The following KIAA0825 variants were observed in gnomAD, a reference collection of about 807,000 sequenced individuals.
The protein encoded by KIAA0825 is KIAA0825.
A neutral mutation model predicts 147.6 loss-of-function variants in KIAA0825; 119 were observed. That is an observed-to-expected ratio of 0.81 (90% confidence interval 0.69 to 0.94). The LOEUF (loss-of-function observed/expected upper bound fraction) is 0.94. Ranked by LOEUF, KIAA0825 falls within the 40% of genes least tolerant of loss-of-function variation. The probability of loss-of-function intolerance (pLI) is 0.00; values close to 1 mark genes in which losing one functional copy is unlikely to be tolerated. For missense variants in KIAA0825, 1,381 were observed against 1,472.7 expected, an observed-to-expected ratio of 0.94 and a Z score of 1.02; for synonymous variants, 470 against 518.1, an observed-to-expected ratio of 0.91 and a Z score of 1.26.
chr5:94,266,766 A>C (rs926787299), intron 20 of KIAA0825, among the ~76,000 whole-genome samples: 6 of 152,208 alleles, frequency 3.9e-5, no homozygotes, highest in African/African-American at 1.4e-4. Context: ...AACTTATGTT[A>C]ATATGTAATT....
chr5:94,320,549 G>A (rs1423771996), intron 20 of KIAA0825, among the ~76,000 whole-genome samples: 2 of 150,452 alleles, frequency 1.3e-5, no homozygotes, highest in East Asian at 2.0e-4. Context: ...TCTACTCTAC[G>A]CCTCCTTGAC....
At chr5:94,164,888 A>T (rs1767897123) in intron 20 of KIAA0825, among the ~76,000 whole-genome samples, 1 of 152,164 alleles carries the variant, frequency 6.6e-6, no homozygotes, top group Admixed American at 6.6e-5. Context: ...AAAATATAAG[A>T]CCTCAAGCTA....
intron 13 of KIAA0825, among the ~76,000 whole-genome samples, chr5:94,451,922 A>G (rs1758466555): frequency 6.6e-6 from 1 of 152,254 alleles, no homozygotes. Context: ...TACTTTTGCA[A>G]CAATGAGTAT....
At chr5:94,504,199 T>C (rs1217789943) in intron 5 of KIAA0825, among the ~76,000 whole-genome samples, 1 of 152,192 alleles carries the variant, frequency 6.6e-6, no homozygotes, top group Non-Finnish European at 1.5e-5. Context: ...GAGCAATAAA[T>C]GGGAGTTTTG....
At chr5:94,486,999 T>C (rs1289218404) in intron 5 of KIAA0825, among the ~76,000 whole-genome samples, 5 of 152,178 alleles carry the variant, frequency 3.3e-5, no homozygotes, top group Non-Finnish European at 5.9e-5. Flanking sequence ...AAATTGGAAG[T>C]CTTGTGAATG....
chr5:94,202,302 A>G (rs1647945048), intron 20 of KIAA0825, among the ~76,000 whole-genome samples: 1 of 152,218 alleles, frequency 6.6e-6, no homozygotes, highest in Non-Finnish European at 1.5e-5. Context: ...TCACAAGGGT[A>G]GTGGTGGGGA....
intron 20 of KIAA0825, among the ~76,000 whole-genome samples, chr5:94,324,507 A>G (rs1170075691): frequency 2.0e-5 from 3 of 152,024 alleles, no homozygotes; most frequent in Non-Finnish European, 2.9e-5. Flanking sequence ...GGCAACAAAT[A>G]AATATTCTTT....
chr5:94,617,196 A>G (rs1790763353), intron 1 of KIAA0825, among the ~76,000 whole-genome samples: 1 of 152,226 alleles, frequency 6.6e-6, no homozygotes, highest in East Asian at 1.9e-4. Flanking sequence ...GAGAGAAATC[A>G]CTGCCTCTAA....
intron 11 of KIAA0825, among the ~76,000 whole-genome samples, chr5:94,464,134 G>T (rs1257000264): frequency 1.4e-5 from 2 of 142,376 alleles, no homozygotes; most frequent in African/African-American, 5.2e-5. Context: ...TCTGAAAAAA[G>T]ATTATTCTAC....
intron 20 of KIAA0825, among the ~76,000 whole-genome samples, chr5:94,200,161 A>G (rs768553629): frequency 5.9e-5 from 9 of 151,990 alleles, no homozygotes; most frequent in Non-Finnish European, 1.2e-4. Context: ...GTCTCTGCCA[A>G]CTCTCTGGGT....
rs1019656654 is a variant in KIAA0825 at position 94,464,909 on chromosome 5, C to T, written c.2023G>A (p.Ala675Thr). 24 of 1,551,444 alleles carry T rather than the reference C, an allele frequency of 1.5e-5. No homozygotes were observed. The highest frequency in any genetic ancestry group is 7.3e-5 in the East Asian group (3 of 40,936). The change falls in exon 11 of 21, where the codon GCT (alanine) becomes ACT (threonine). Residue 675 changes from alanine (A) to threonine (T), a missense_variant. By Grantham distance (58) the Ala-to-Thr change is moderately conservative. Transcript: ENST00000682413. ...CTTTTACGGCTGGGGTGGGCCCGAG[C>T]GTATCTGGAGGCCAGTAGACTCAAA... is the stretch of plus-strand genomic sequence containing the variant. ...KSLSLLASRY[A>T]RAHPSRKRTP...
intron 20 of KIAA0825, among the ~76,000 whole-genome samples, chr5:94,270,022 A>T (rs1383590391): frequency 1.3e-5 from 2 of 152,158 alleles, no homozygotes; most frequent in Non-Finnish European, 2.9e-5. Flanking sequence ...GAGCAACTAC[A>T]TGCCAATAAA....
Position 94,328,655 on chromosome 5 carries a change from C to T in KIAA0825, c.3710+55713G>A, listed in dbSNP as rs147606338. Among the ~76,000 whole-genome samples the T allele has an allele frequency of 1.3e-4, 19 of 151,604 alleles. No individual in the cohort carries two copies. In the East Asian group the frequency reaches 1.9e-3, roughly 15 times the overall value. On this transcript the variant is annotated intron_variant, in intron 20 of 20. Transcript: ENST00000682413. ...TACAATAGATCGATAATAAAATACCCATTATAATAAGATATACTGAGGAAA... is the reference window on the plus strand; with the variant it reads ...TACAATAGATCGATAATAAAATACCTATTATAATAAGATATACTGAGGAAA...
chr5:94,326,871 G>T (rs1037075719), intron 20 of KIAA0825, among the ~76,000 whole-genome samples: 1 of 152,208 alleles, frequency 6.6e-6, no homozygotes, highest in Non-Finnish European at 1.5e-5. Context: ...CTAGGATGTG[G>T]ACTACCATGA....
chr5:94,293,101 C>G lies in KIAA0825; in HGVS notation c.3710+91267G>C, dbSNP rs143405062. On this transcript the variant is annotated intron_variant, in intron 20 of 20. Coordinates refer to ENST00000682413, the MANE Select transcript of KIAA0825 (RefSeq NM_001145678.3). ...TGATTTTTGGAAAGGTTTTACACGT[C>G]TCTATCTCCTTCAGTTCTGCTCTGA... Among the ~76,000 whole-genome samples, 945 of 151,188 alleles carry G rather than the reference C, an allele frequency of 6.3e-3. 10 individuals are homozygous for G. The highest frequency in any genetic ancestry group is 0.022 in the African/African-American group (915 of 41,372).
chr5:94,372,488 C>T (rs1746856145), intron 20 of KIAA0825, among the ~76,000 whole-genome samples: 2 of 152,216 alleles, frequency 1.3e-5, no homozygotes, highest in Admixed American at 1.3e-4. Flanking sequence ...TACCAAACCA[C>T]GTGGAAGCTG....
chr5:94,418,691 A>T (rs983903122), intron 14 of KIAA0825, among the ~76,000 whole-genome samples: 1 of 152,094 alleles, frequency 6.6e-6, no homozygotes, highest in Non-Finnish European at 1.5e-5. Flanking sequence ...TATTAACCCC[A>T]GTAGAAAGTA....
At chr5:94,465,117 C>T (rs896770991) in intron 10 of KIAA0825, 58 bp from the exon 11 acceptor site, 25 of 1,480,662 alleles carry the variant, frequency 1.7e-5, no homozygotes, top group Non-Finnish European at 2.1e-5. Context: ...TGTCGATTTG[C>T]TTCCTATGAA....
chr5:94,569,753 G>C (rs1779542450), intron 2 of KIAA0825: 1 of 261,448 alleles, frequency 3.8e-6, no homozygotes, highest in Non-Finnish European at 7.2e-6. Flanking sequence ...CATCACCTGA[G>C]ACGTAAACCA....
Sources: allele counts gnomAD v4.1 joint callset (sites outside exome capture counted in the v4.1 genomes callset), GRCh38; gene constraint gnomAD v4.1.1; transcripts MANE v1.5; gene names NCBI Gene and HGNC (gene_info 2026-07-23, HGNC 2026-07-21).